The following DNAH3 variants were observed in gnomAD, a reference collection of about 807,000 sequenced individuals.
DNAH3 encodes dynein axonemal heavy chain 3, also known as axonemal beta dynein heavy chain 3.
DNAH3 carries 332 observed loss-of-function variants against 432.5 expected under a neutral mutation model. The observed-to-expected ratio is 0.77, with a 90% confidence interval of 0.70 to 0.84. DNAH3 has a LOEUF of 0.84. DNAH3 is among the 40% of genes least tolerant of loss of function. DNAH3 has a pLI of 0.00. For missense variants in DNAH3, 4,861 were observed against 5,114.0 expected (o/e 0.95, Z 1.51); for synonymous variants, 1,956 against 1,900.2 (o/e 1.03, Z -0.76).
exon 20 of DNAH3, chr16:21,081,665 G>T: frequency 6.2e-7 from 1 of 1,613,532 alleles, no homozygotes; most frequent in Non-Finnish European, 8.5e-7. Context: ...ATCCAAATTC[G>T]AGCATATTTG....
exon 9 of DNAH3, chr16:21,125,299 T>C (rs115816729): frequency 1.9e-6 from 3 of 1,613,554 alleles, no homozygotes; most frequent in Admixed American, 1.7e-5. Context: ...TGAGTCATAG[T>C]TGCTCTTGGG....
intron 28 of DNAH3, among the ~76,000 whole-genome samples, chr16:21,052,805 C>T (rs1334821834): frequency 6.6e-6 from 1 of 152,118 alleles, no homozygotes; most frequent in Non-Finnish European, 1.5e-5. Context: ...CCCTTTTGGT[C>T]CCATTTCAGG....
chr16:21,010,423 A>C (rs528726026), intron 41 of DNAH3, among the ~76,000 whole-genome samples: 1 of 152,290 alleles, frequency 6.6e-6, no homozygotes, highest in African/African-American at 2.4e-5. Flanking sequence ...TTCAAAGGTC[A>C]CACAATGAAT....
At position 21,075,494 on chromosome 16, in the gene DNAH3, A is replaced by AC; in HGVS notation, c.3036dup (p.Leu1013ValfsTer5). ...CTGAACGTCACGTTAACCCAATCCA[A>AC]CTTCATTCTATCCAAGTTTTTCTCC... On this transcript the variant is annotated frameshift_variant, in exon 21 of 62. Transcript: ENST00000261383. LOFTEE classifies it high-confidence loss of function. 6.2e-7 allele frequency: 1 copy of AC among 1,614,072 alleles called. No homozygotes were observed.
chr16:21,099,280 G>GGATGGACA (rs1362104719), intron 16 of DNAH3, among the ~76,000 whole-genome samples: 1 of 151,862 alleles, frequency 6.6e-6, no homozygotes, highest in African/African-American at 2.4e-5. Flanking sequence ...ATGGACAGAT[G>GGATGGACA]GATGGATGGA....
At chr16:21,062,066 G>A (rs186522765) in intron 25 of DNAH3, among the ~76,000 whole-genome samples, 1 of 152,170 alleles carries the variant, frequency 6.6e-6, no homozygotes, top group African/African-American at 2.4e-5. Flanking sequence ...ATGAAAACCT[G>A]AGTTAAGTTG....
At chr16:21,051,063 G>C (rs1212084341) in intron 29 of DNAH3, among the ~76,000 whole-genome samples, 1 of 152,160 alleles carries the variant, frequency 6.6e-6, no homozygotes, top group East Asian at 1.9e-4. Flanking sequence ...AAAAATCATA[G>C]ACCATAAAAA....
At chr16:21,011,565 T>C (rs898548302) in intron 41 of DNAH3, among the ~76,000 whole-genome samples, 1 of 152,082 alleles carries the variant, frequency 6.6e-6, no homozygotes, top group Non-Finnish European at 1.5e-5. Context: ...TTTACAATGT[T>C]GCCCAGGATG....
At chr16:21,078,023 C>T (rs1359334450) in intron 20 of DNAH3, among the ~76,000 whole-genome samples, 5 of 152,224 alleles carry the variant, frequency 3.3e-5, no homozygotes, top group Non-Finnish European at 5.9e-5. Flanking sequence ...CTCCTGTAAT[C>T]CCAGCACTTT....
At position 21,062,397 on chromosome 16, in the gene DNAH3, G is replaced by A. The variant is rs936612890; in HGVS notation, c.3720+85C>T. On this transcript the variant is annotated intron_variant, in intron 25 of 61. Coordinates refer to ENST00000261383, the Ensembl canonical transcript of DNAH3. ...AGTGTTCCATACCCCAGGCAGTCTG[G>A]TGCTTAGTCCCAGTGCTTAGCCAAT... The A allele has an allele frequency of 1.8e-5, 20 of 1,108,898 alleles. No homozygotes were observed. In the African/African-American group the frequency reaches 3.1e-4, roughly 17 times the overall value. 68.7% of individuals were successfully genotyped at this position (1,108,898 alleles called of 1,614,324 possible).
chr16:20,973,023 C>T (rs900320923), intron 51 of DNAH3, among the ~76,000 whole-genome samples: 1 of 152,122 alleles, frequency 6.6e-6, no homozygotes, highest in Admixed American at 6.6e-5. Context: ...GCCACCTCGC[C>T]CAGCTGCCAT....
chr16:21,061,324 C>G (rs1239127244), intron 25 of DNAH3, among the ~76,000 whole-genome samples: 1 of 142,030 alleles, frequency 7.0e-6, no homozygotes, highest in East Asian at 2.1e-4. Context: ...CAACTTCCGC[C>G]TCCTGGGTTC....
exon 38 of DNAH3, chr16:21,027,043 G>A (rs770092715): frequency 2.5e-6 from 4 of 1,613,312 alleles, no homozygotes; most frequent in Middle Eastern, 1.7e-4. Flanking sequence ...ACAGTGGCTG[G>A]AGAGGCTTGC....
At chr16:21,055,164 G>A (rs183231306) in intron 27 of DNAH3, among the ~76,000 whole-genome samples, 2 of 151,812 alleles carry the variant, frequency 1.3e-5, no homozygotes. Context: ...TTGAGACAGA[G>A]CCTGACTCAG....
chr16:21,153,550 C>A lies in DNAH3; in HGVS notation c.117+5775G>T, dbSNP rs1010977856. ...AGCAGGCTGCCCGGGCCAGCAGTGG[C>A]AAGCCGCTTGATCCCCTTCTACAAC... On this transcript the variant is annotated intron_variant, in intron 1 of 61. Transcript: ENST00000261383. Among the ~76,000 whole-genome samples, 12 of 152,312 alleles carry A rather than the reference C, an allele frequency of 7.9e-5. No homozygotes were observed. The Middle Eastern group carries it at 0.014, about 173-fold the overall frequency.
chr16:20,993,122 TC>T (rs1247503025), intron 44 of DNAH3, among the ~76,000 whole-genome samples: 1 of 152,134 alleles, frequency 6.6e-6, no homozygotes, highest in Non-Finnish European at 1.5e-5. Context: ...CTCCTCGGCC[TC>T]CCAAAGTGCT....
chr16:20,967,725 C>CT (rs1294664894), intron 52 of DNAH3, among the ~76,000 whole-genome samples: 2 of 151,634 alleles, frequency 1.3e-5, no homozygotes, highest in African/African-American at 4.8e-5. Context: ...CCAGGCTGGT[C>CT]TTGAACTCCT....
chr16:20,987,858 G>C lies in DNAH3; in HGVS notation c.6726-9C>G. On this transcript the variant is annotated splice_polypyrimidine_tract_variant and intron_variant, in intron 45 of 61. Coordinates refer to ENST00000261383, the Ensembl canonical transcript of DNAH3. ...CCAGCATCTTTCCGTACCTTGGGAG[G>C]AAAGGGATGGCACAGTAGTCAAGGA... 1 of 1,614,122 alleles carries C rather than the reference G, an allele frequency of 6.2e-7. No individual in the cohort carries two copies. Among genetic ancestry groups the C allele is most frequent in the South Asian group, 1.1e-5 (1 of 91,072 alleles).
intron 24 of DNAH3, 48 bp downstream of exon 24, chr16:21,067,235 C>T (rs565133624): frequency 5.6e-6 from 9 of 1,605,336 alleles, no homozygotes; most frequent in African/African-American, 1.3e-5. Context: ...ATTCTACCTA[C>T]ATATGGGGCA....
Sources: allele counts gnomAD v4.1 joint callset (sites outside exome capture counted in the v4.1 genomes callset), GRCh38; gene constraint gnomAD v4.1.1; transcripts MANE v1.5; gene names NCBI Gene and HGNC (gene_info 2026-07-23, HGNC 2026-07-21).